Variants in STAU1 observed in about 807,000 individuals in gnomAD.
STAU1 encodes the protein double-stranded RNA-binding protein Staufen homolog 1.
A neutral mutation model predicts 62.9 loss-of-function variants in STAU1; 13 were observed. That is an observed-to-expected ratio of 0.21 (90% CI 0.13 to 0.33). STAU1 has a LOEUF of 0.33. Ranked by LOEUF, STAU1 falls within the 10% of genes least tolerant of loss-of-function variation. The probability of loss-of-function intolerance (pLI) is 1.00; values close to 1 mark genes in which losing one functional copy is unlikely to be tolerated. For synonymous variants in STAU1, 269 were observed against 265.1 expected (o/e 1.01, Z -0.14); for missense variants, 571 against 712.1 (o/e 0.80, Z 2.25).
chr20:49,154,556 T>C (rs538695406), intron 3 of STAU1, among the ~76,000 whole-genome samples: 1 of 152,358 alleles, frequency 6.6e-6, no homozygotes, highest in South Asian at 2.1e-4. Context: ...TGCAAAGCAC[T>C]GTGCTAAGCT....
chr20:49,199,869 C>T, the STAU1 span, among the ~76,000 whole-genome samples: 35 of 152,086 alleles, frequency 2.3e-4, no homozygotes, highest in African/African-American at 7.0e-4. Context: ...CCACTGCACC[C>T]GGCCATATTT....
chr20:49,204,612 ATATATATATATGTG>A, the STAU1 span, among the ~76,000 whole-genome samples: 335 of 59,928 alleles, frequency 5.6e-3, 5 homozygotes, highest in Non-Finnish European at 8.6e-3. Flanking sequence ...ATATATATAT[ATATATATATATGTG>A]TATATATATA....
At chr20:49,123,419 G>A (rs907558797) in intron 7 of STAU1, among the ~76,000 whole-genome samples, 184 bp from the exon 8 acceptor site, 4 of 151,986 alleles carry the variant, frequency 2.6e-5, no homozygotes, top group Admixed American at 1.3e-4. Flanking sequence ...GATTGTTCTA[G>A]GTGATTTTAA....
At position 49,114,517 on chromosome 20, in the gene STAU1, G is replaced by A. The variant is rs1275884896; in HGVS notation, c.*361C>T. The A allele has an allele frequency of 3.3e-5, 8 of 244,326 alleles. No individual in the cohort carries two copies. The highest frequency in any genetic ancestry group is 5.1e-5 in the Admixed American group (1 of 19,754). The allele number at this position is 244,326 out of a possible 1,614,324, so 15.1% of individuals were successfully genotyped here. ...GAGTGAGCCAGCTTGAGAAGGGGTCGTGCCGTTTCTTCTTTCACACAGGGG... is the reference window on the plus strand; with the variant it reads ...GAGTGAGCCAGCTTGAGAAGGGGTCATGCCGTTTCTTCTTTCACACAGGGG... On this transcript the variant is annotated 3_prime_UTR_variant, in exon 14 of 14. Coordinates refer to ENST00000371856, the MANE Select transcript of STAU1 (RefSeq NM_017453.4).
chr20:49,206,140 G>A, the STAU1 span, among the ~76,000 whole-genome samples: 4 of 141,984 alleles, frequency 2.8e-5, no homozygotes, highest in African/African-American at 5.1e-5. Flanking sequence ...TCGCCACCAC[G>A]CCCAGCTGAT....
rs79843294 is a variant in STAU1 at position 49,159,186 on chromosome 20, G to A, written c.206-5115C>T. The A allele has an allele frequency of 2.1e-3, 2,263 of 1,065,284 alleles. 45 individuals carry two copies. The African/African-American group carries it at 0.033, about 16-fold the overall frequency. 66.0% of individuals were successfully genotyped at this position (1,065,284 alleles called of 1,614,324 possible). A position where few individuals can be genotyped will look rare whatever the true frequency, so the allele number is the denominator to read the frequency against. On this transcript the variant is annotated intron_variant, in intron 3 of 13. Coordinates refer to ENST00000371856, the MANE Select transcript of STAU1 (RefSeq NM_017453.4). ...ACACACAAAGTTATTCTCGTGAACC[G>A]TCTTGCCTTTCTCTAGGACTTTCCC...
At chr20:49,168,742 A>G (rs1461216006) in intron 2 of STAU1, among the ~76,000 whole-genome samples, 1 of 152,178 alleles carries the variant, frequency 6.6e-6, no homozygotes, top group African/African-American at 2.4e-5. Flanking sequence ...ACATCTGCCA[A>G]TGTCTGGAGA....
At chr20:49,153,821 A>C in intron 4 of STAU1, 112 bp downstream of exon 4, 2 of 1,142,738 alleles carry the variant, frequency 1.8e-6, no homozygotes, top group Non-Finnish European at 2.3e-6. Context: ...AACACTTGGC[A>C]GGCCCAAACC....
At chr20:49,125,534 G>GA (rs527934630) in intron 6 of STAU1, among the ~76,000 whole-genome samples, 20,757 of 76,312 alleles carry the variant, frequency 0.27, 2,254 homozygotes, top group Non-Finnish European at 0.31. Flanking sequence ...TGTCTCAAAG[G>GA]AAAAAAAAAA....
the STAU1 span, among the ~76,000 whole-genome samples, chr20:49,193,459 T>C: frequency 6.6e-6 from 1 of 151,734 alleles, no homozygotes; most frequent in East Asian, 1.9e-4. Context: ...GATCACAAGG[T>C]CAAGAGATAG....
At chr20:49,188,597 TTC>T (rs1437133626), upstream of STAU1, among the ~76,000 whole-genome samples, 1 of 152,172 alleles carries the variant, frequency 6.6e-6, no homozygotes, top group Non-Finnish European at 1.5e-5. Context: ...TGGTGGGAGT[TTC>T]GCGCTGCCTG....
At chr20:49,142,770 C>A (rs989330685) in intron 5 of STAU1, among the ~76,000 whole-genome samples, 10 of 150,986 alleles carry the variant, frequency 6.6e-5, no homozygotes, top group African/African-American at 2.2e-4. Context: ...TGCAAAAAAA[C>A]ATATTTGAAA....
At chr20:49,161,736 C>T (rs1600797782) in intron 3 of STAU1, among the ~76,000 whole-genome samples, 4 of 152,176 alleles carry the variant, frequency 2.6e-5, no homozygotes, top group African/African-American at 9.7e-5. Context: ...TATAAGACTA[C>T]TATTCTCCTA....
intron 3 of STAU1, among the ~76,000 whole-genome samples, chr20:49,163,419 C>CTTTTTTTTTTTTTTTTTTTTTTTTTT (rs200864480): frequency 1.2e-5 from 1 of 82,440 alleles, no homozygotes; most frequent in East Asian, 3.7e-4. Context: ...GTGTTTAAAC[C>CTTTTTTTTTTTTTTTTTTTTTTTTTT]TTTTTTTTTT....
Position 49,117,802 on chromosome 20 carries a change from T to C in STAU1, c.1484A>G (p.Tyr495Cys), listed in dbSNP as rs1474085466. 2 of 1,613,144 alleles carry C rather than the reference T, an allele frequency of 1.2e-6. No individual in the cohort carries two copies. Among genetic ancestry groups the C allele is most frequent in the Non-Finnish European group, 1.7e-6 (2 of 1,179,504 alleles). ...CTGGAATCCCTGGACTCTGGAAAGA[T>C]AGTCCAGTTGCTCAGAGGGTCTCGT... ...PLTRPSEQLD[Y>C]LSRVQGFQVE... The change falls in exon 11 of 14, where the codon TAT becomes TGT. Residue 495 changes from tyrosine (Y) to cysteine (C), a missense_variant. Coordinates refer to ENST00000371856, the MANE Select transcript of STAU1 (RefSeq NM_017453.4). The surrounding 1 kb of genome is among the most constrained non-coding windows in gnomAD (Gnocchi z 4.6).
rs1415884018 is a variant in STAU1, at chr20:49,151,568, G to A, written c.510+14C>T. 4 of 1,583,520 alleles carry A rather than the reference G, an allele frequency of 2.5e-6. No homozygotes were observed. In the East Asian group the frequency reaches 9.2e-5, roughly 36 times the overall value. ...CCTGTCGAAGCGTCAGGGAGCCTGGGCTCAACTCCTCACCTCCAGCCTCTC... is the reference window on the plus strand; with the variant it reads ...CCTGTCGAAGCGTCAGGGAGCCTGGACTCAACTCCTCACCTCCAGCCTCTC... On this transcript the variant is annotated intron_variant, in intron 5 of 13. Coordinates refer to ENST00000371856, the MANE Select transcript of STAU1 (RefSeq NM_017453.4).
At chr20:49,126,315 G>A (rs1007543085) in intron 6 of STAU1, among the ~76,000 whole-genome samples, 3 of 151,438 alleles carry the variant, frequency 2.0e-5, no homozygotes, top group Admixed American at 6.6e-5. Context: ...TAATCCCAAC[G>A]CTCTGGGAGG....
chr20:49,162,591 G>A (rs1029597727), intron 3 of STAU1, among the ~76,000 whole-genome samples: 14 of 151,868 alleles, frequency 9.2e-5, no homozygotes, highest in Admixed American at 7.9e-4. Context: ...TGGCTAACAA[G>A]GTGAAACCCC....
intron 9 of STAU1, among the ~76,000 whole-genome samples, chr20:49,119,161 T>G (rs1013273265): frequency 3.3e-5 from 5 of 152,192 alleles, no homozygotes; most frequent in African/African-American, 4.8e-5. Context: ...TGCTTACCAC[T>G]TCTGGCAGAC....
Sources: gnomAD v4.1 joint callset for allele counts (sites outside exome capture counted in the v4.1 genomes callset) on GRCh38, gnomAD v4.1.1 for gene constraint, Gnocchi (gnomAD v3.1) non-coding constraint, MANE v1.5 for transcripts, NCBI Gene and HGNC (gene_info 2026-07-23, HGNC 2026-07-21) for gene names.